UBE2E2: variants seen among roughly 807,000 people sequenced by gnomAD.
UBE2E2 encodes the protein ubiquitin conjugating enzyme E2 E2, also known as ubiquitin-conjugating enzyme E2 E2.
Under a neutral mutation model 24.7 loss-of-function variants are expected in UBE2E2, and 6 were observed. The ratio of observed to expected loss-of-function variants is 0.24; its 90% CI spans 0.13 to 0.48. UBE2E2 has a LOEUF of 0.48. Ranked by LOEUF, UBE2E2 falls within the 20% of genes least tolerant of loss-of-function variation. The probability of loss-of-function intolerance (pLI) is 0.99; values close to 1 mark genes in which losing one functional copy is unlikely to be tolerated. For synonymous variants in UBE2E2, 104 were observed against 83.6 expected, an observed-to-expected ratio of 1.24 and a Z score of -1.33; for missense variants, 169 against 245.0, an observed-to-expected ratio of 0.69 and a Z score of 2.07.
At position 23,451,253 on chromosome 3, in the gene UBE2E2, T is replaced by C. The variant is rs115096029; in HGVS notation, c.228-48355T>C. On this transcript the variant is annotated intron_variant, in intron 3 of 5. Coordinates refer to ENST00000396703, the MANE Select transcript of UBE2E2 (RefSeq NM_152653.4). The stretch of plus-strand genomic sequence containing the variant: ...TAAATAATTTTTTTTGAAAAATTGC[T>C]CATGTCAAATTTGTCCTGCTATCCA... Among the ~76,000 whole-genome samples, 1,184 of 152,296 alleles carry C rather than the reference T, an allele frequency of 7.8e-3. 13 individuals are homozygous for C. The highest frequency in any genetic ancestry group is 0.021 in the African/African-American group (853 of 41,558).
chr3:23,523,134 A>G (rs1272910501), intron 4 of UBE2E2, among the ~76,000 whole-genome samples: 1 of 152,258 alleles, frequency 6.6e-6, no homozygotes, highest in Non-Finnish European at 1.5e-5. Flanking sequence ...TATTCATTAT[A>G]GGTATGTTCC....
At chr3:23,301,136 A>G (rs1699071068) in intron 3 of UBE2E2, among the ~76,000 whole-genome samples, 1 of 152,084 alleles carries the variant, frequency 6.6e-6, no homozygotes, top group African/African-American at 2.4e-5. Context: ...CAGCTCCATC[A>G]GGTCCTTTAA....
At chr3:23,345,398 TACA>T (rs903541061) in intron 3 of UBE2E2, among the ~76,000 whole-genome samples, 4 of 152,234 alleles carry the variant, frequency 2.6e-5, no homozygotes, top group South Asian at 2.1e-4. Context: ...ATAGATTCAA[TACA>T]ACAACTTTTT....
At chr3:23,564,016 G>A (rs1279729749) in intron 5 of UBE2E2, among the ~76,000 whole-genome samples, 1 of 147,646 alleles carries the variant, frequency 6.8e-6, no homozygotes, top group African/African-American at 2.5e-5. Context: ...AAAGAAGGAA[G>A]GAAGGAAAGA....
intron 3 of UBE2E2, among the ~76,000 whole-genome samples, chr3:23,377,591 G>A (rs1696552990): frequency 6.6e-6 from 1 of 152,176 alleles, no homozygotes; most frequent in African/African-American, 2.4e-5. Flanking sequence ...ATATTGGGAG[G>A]ACCTGGTGAA....
chr3:23,372,111 C>T lies in UBE2E2; in HGVS notation c.228-127497C>T, dbSNP rs113347553. Among the ~76,000 whole-genome samples, 12 of 151,110 alleles carry T rather than the reference C, an allele frequency of 7.9e-5. 1 individual carries two copies. The highest frequency in any genetic ancestry group is 2.1e-4 in the South Asian group (1 of 4,772). On this transcript the variant is annotated intron_variant, in intron 3 of 5. Coordinates refer to ENST00000396703, the MANE Select transcript of UBE2E2 (RefSeq NM_152653.4). ...CCAGCCTGGGTTACGAGTGAGACTC[C>T]GCCTCAAAAAAACAAAAAAGAAAAA...
chr3:23,589,794 G>A lies in UBE2E2; in HGVS notation c.569G>A (p.Arg190Gln), dbSNP rs777221152. 12 of 1,614,170 alleles carry A rather than the reference G, an allele frequency of 7.4e-6. No homozygotes were observed. Among genetic ancestry groups the A allele is most frequent in the Admixed American group, 1.7e-5 (1 of 60,028 alleles). Residue 190 changes from arginine to glutamine, a missense_variant, in exon 6 of 6, where the codon CGG (arginine) becomes CAG (glutamine). Physicochemically the swap from Arg to Gln is conservative, Grantham distance 43. Around this residue, in one of 2 missense-constraint regions of UBE2E2, gnomAD observed 105 missense variants for 180.7 expected, o/e 0.58. Transcript: ENST00000396703. The surrounding 1 kb of genome is among the most constrained non-coding windows in gnomAD (Gnocchi z 4.1). ...ATGACCAACAGAGCAGAGCATGACC[G>A]GATGGCCAGACAGTGGACCAAGCGG... ...QYMTNRAEHD[R>Q]MARQWTKRYA...
chr3:23,286,740 T>A (rs971827817), intron 3 of UBE2E2, among the ~76,000 whole-genome samples: 1 of 152,166 alleles, frequency 6.6e-6, no homozygotes, highest in Non-Finnish European at 1.5e-5. Context: ...TTGCCTTCAG[T>A]AGTATGGACG....
At position 23,499,662 on chromosome 3, in the gene UBE2E2, C is replaced by G. The variant is rs11554196; in HGVS notation, c.282C>G (p.Pro94=). The G allele has an allele frequency of 6.2e-7, 1 of 1,613,904 alleles. No individual in the cohort carries two copies. Among genetic ancestry groups the G allele is most frequent in the South Asian group, 1.1e-5 (1 of 91,054 alleles). The change falls in exon 4 of 6, where the codon CCC becomes CCG. Residue 94 remains proline (P), a synonymous_variant. Transcript: ENST00000396703. The part of the protein sequence containing the change: ...IYEWRSTILG[P]PGSVYEGGVF... The stretch of plus-strand genomic sequence containing the variant: ...AATGGAGGTCAACTATATTGGGACC[C>G]CCAGGATCTGTCTATGAAGGAGGGG...
At chr3:23,554,900 C>T (rs1695738752) in intron 5 of UBE2E2, among the ~76,000 whole-genome samples, 5 of 151,894 alleles carry the variant, frequency 3.3e-5, no homozygotes, top group Admixed American at 3.3e-4. Flanking sequence ...ATATAATCCA[C>T]TGGACCTGAA....
intron 3 of UBE2E2, among the ~76,000 whole-genome samples, chr3:23,458,391 CTGGTGGTGGTGGTGGTGGTGGTGG>C (rs781216109): frequency 1.6e-5 from 2 of 122,434 alleles, no homozygotes; most frequent in Non-Finnish European, 3.3e-5. Context: ...AGAGAGATCG[CTGGTGGTGGTGGTGGTGGTGGTGG>C]TGGTGGTGGT....
intron 3 of UBE2E2, among the ~76,000 whole-genome samples, chr3:23,272,169 G>A (rs186460078): frequency 0.011 from 1,682 of 152,254 alleles, 25 homozygotes; most frequent in African/African-American, 0.037. Context: ...GCCCTGCCCC[G>A]CGGGGAGGTG....
intron 3 of UBE2E2, among the ~76,000 whole-genome samples, chr3:23,306,487 G>T (rs1331450005): frequency 6.6e-6 from 1 of 152,148 alleles, no homozygotes; most frequent in African/African-American, 2.4e-5. Flanking sequence ...CAAACGAGTT[G>T]TATCTATCAA....
intron 4 of UBE2E2, among the ~76,000 whole-genome samples, chr3:23,525,084 C>T (rs2125478780): frequency 6.6e-6 from 1 of 152,234 alleles, no homozygotes; most frequent in South Asian, 2.1e-4. Flanking sequence ...CTTCTAGAGG[C>T]CAACTACATT....
intron 3 of UBE2E2, among the ~76,000 whole-genome samples, chr3:23,489,660 A>G (rs904945661): frequency 6.6e-6 from 1 of 152,198 alleles, no homozygotes; most frequent in Non-Finnish European, 1.5e-5. Context: ...AATGCGAACA[A>G]TGGGGAGAGC....
intron 3 of UBE2E2, among the ~76,000 whole-genome samples, chr3:23,301,245 C>T (rs1472492869): frequency 1.3e-5 from 2 of 152,156 alleles, no homozygotes; most frequent in Admixed American, 1.3e-4. Flanking sequence ...TCCTGTAGCT[C>T]AGAGTAGTTT....
At chr3:23,334,064 G>GTTTC (rs1366876602) in intron 3 of UBE2E2, among the ~76,000 whole-genome samples, 1 of 152,034 alleles carries the variant, frequency 6.6e-6, no homozygotes, top group Non-Finnish European at 1.5e-5. Flanking sequence ...AAAAGAAGCA[G>GTTTC]TTTCTATCCT....
intron 3 of UBE2E2, among the ~76,000 whole-genome samples, chr3:23,414,484 C>G (rs999159706): frequency 6.6e-6 from 1 of 152,328 alleles, no homozygotes; most frequent in South Asian, 2.1e-4. Flanking sequence ...ATCGAGTCAC[C>G]ACCTACCAGG....
At chr3:23,432,068 G>A (rs766583460) in intron 3 of UBE2E2, among the ~76,000 whole-genome samples, 1 of 152,112 alleles carries the variant, frequency 6.6e-6, no homozygotes, top group African/African-American at 2.4e-5. Context: ...AGAAAATTTG[G>A]ATAAATGTTC....
Sources: allele counts gnomAD v4.1 joint callset (sites outside exome capture counted in the v4.1 genomes callset), GRCh38; gene constraint gnomAD v4.1.1; regional missense constraint gnomAD v4.1.1; non-coding constraint Gnocchi (gnomAD v3.1); transcripts MANE v1.5; gene names NCBI Gene and HGNC (gene_info 2026-07-23, HGNC 2026-07-21).